Variants in KIF5C observed in about 807,000 individuals in gnomAD.
The protein encoded by KIF5C is kinesin heavy chain isoform 5C.
KIF5C carries 18 observed loss-of-function variants against 125.2 expected under a neutral mutation model. That is an observed-to-expected ratio of 0.14 (90% CI 0.10 to 0.21). The LOEUF is 0.21. Ranked by LOEUF, KIF5C falls within the 10% of genes least tolerant of loss-of-function variation. The pLI is 1.00. For synonymous variants in KIF5C, 405 were observed against 434.0 expected, an observed-to-expected ratio of 0.93 and a Z score of 0.83; for missense variants, 780 against 1,183.8, an observed-to-expected ratio of 0.66 and a Z score of 5.01.
Position 148,947,035 on chromosome 2 carries a change from T to A in KIF5C, c.714+12T>A. 1 of 1,603,582 alleles carries A rather than the reference T, an allele frequency of 6.2e-7. No individual in the cohort carries two copies. Among genetic ancestry groups the A allele is most frequent in the Non-Finnish European group, 8.5e-7 (1 of 1,176,220 alleles). ...CTGGGAGCGAAAAGGTAATTTGTTCTTTATTTGTATTATCTATAATTTTCC... is the reference window on the plus strand; with the variant it reads ...CTGGGAGCGAAAAGGTAATTTGTTCATTATTTGTATTATCTATAATTTTCC... On this transcript the variant is annotated intron_variant, in intron 8 of 25. Coordinates refer to ENST00000435030, the MANE Select transcript of KIF5C (RefSeq NM_004522.3).
intron 4 of KIF5C, among the ~76,000 whole-genome samples, chr2:148,938,856 C>T (rs891837752): frequency 9.9e-5 from 15 of 151,682 alleles, no homozygotes; most frequent in East Asian, 3.9e-4. Flanking sequence ...GAGGTTGAGG[C>T]GGGCAGATTG....
chr2:148,914,940 A>C (rs1046244862), intron 1 of KIF5C, among the ~76,000 whole-genome samples: 1 of 152,234 alleles, frequency 6.6e-6, no homozygotes, highest in Non-Finnish European at 1.5e-5. Flanking sequence ...TGCCATTGCA[A>C]ATGAGTAGAC....
chr2:148,985,696 T>G (rs1363458044), intron 15 of KIF5C, among the ~76,000 whole-genome samples: 3 of 152,230 alleles, frequency 2.0e-5, no homozygotes, highest in Non-Finnish European at 4.4e-5. Flanking sequence ...TACATCAGTC[T>G]GCTTAGTGGG....
chr2:149,005,253 G>C, intron 21 of KIF5C, 140 bp from the exon 22 acceptor site: 1 of 1,368,318 alleles, frequency 7.3e-7, no homozygotes, highest in Non-Finnish European at 9.9e-7. Flanking sequence ...CATGGTCAGG[G>C]TGGGGGTGTC....
intron 1 of KIF5C, among the ~76,000 whole-genome samples, chr2:148,898,163 C>A (rs1680739568): frequency 1.3e-5 from 2 of 152,064 alleles, no homozygotes; most frequent in East Asian, 1.9e-4. Context: ...CCTGTCTAGT[C>A]CACATAGGAA....
rs1164763032 is a variant in KIF5C, at chr2:148,922,117, C to T, written c.127-20C>T. 2 of 1,547,712 alleles carry T rather than the reference C, an allele frequency of 1.3e-6. No individual in the cohort carries two copies. Among genetic ancestry groups the T allele is most frequent in the African/African-American group, 1.4e-5 (1 of 72,728 alleles). On this transcript the variant is annotated intron_variant, in intron 1 of 25. Transcript: ENST00000435030. ...ATGTGTTTTTTCCACCTTTTTCTTC[C>T]CTTTGTCTTTCTTTTTTAGCAAGGG...
intron 14 of KIF5C, among the ~76,000 whole-genome samples, chr2:148,983,247 C>T (rs776521929): frequency 2.1e-4 from 32 of 152,066 alleles, no homozygotes; most frequent in Non-Finnish European, 4.7e-4. Flanking sequence ...AGGTGGGGAC[C>T]CTTGCAGGTA....
intron 1 of KIF5C, chr2:148,878,998 T>C (rs1681271815): frequency 6.6e-6 from 1 of 152,340 alleles, no homozygotes; most frequent in South Asian, 2.1e-4. Context: ...GTGGAGTTTC[T>C]AGATTTCTCT....
chr2:148,948,309 A>C (rs998630584), intron 8 of KIF5C, among the ~76,000 whole-genome samples: 1 of 151,342 alleles, frequency 6.6e-6, no homozygotes, highest in African/African-American at 2.4e-5. Flanking sequence ...GTGAGCCGAG[A>C]TCGTGCCACT....
At chr2:148,903,424 G>C (rs1225378056) in intron 1 of KIF5C, among the ~76,000 whole-genome samples, 3 of 152,146 alleles carry the variant, frequency 2.0e-5, no homozygotes, top group Admixed American at 2.0e-4. Flanking sequence ...TTGCTTTATA[G>C]TTTTAGCTCC....
chr2:148,953,906 G>T (rs1682728758), intron 10 of KIF5C, among the ~76,000 whole-genome samples: 2 of 152,074 alleles, frequency 1.3e-5, no homozygotes, highest in South Asian at 4.1e-4. Flanking sequence ...ATACTTTTAA[G>T]TTCTGGGATA....
At chr2:149,017,990 G>C (rs546867061) in intron 25 of KIF5C, among the ~76,000 whole-genome samples, 1 of 152,276 alleles carries the variant, frequency 6.6e-6, no homozygotes, top group Admixed American at 6.5e-5. Context: ...TGGGATGCCT[G>C]TTTTTTGTGT....
At chr2:148,921,880 C>T (rs1681799756) in intron 1 of KIF5C, among the ~76,000 whole-genome samples, 1 of 152,124 alleles carries the variant, frequency 6.6e-6, no homozygotes, top group South Asian at 2.1e-4. Context: ...GAATGAGTCT[C>T]AACCTACCCT....
At position 149,024,515 on chromosome 2, in the gene KIF5C, A is replaced by AGTGTGTGTGTGTGT. The variant is rs10577971; in HGVS notation, c.*1478_*1491dup. 10 of 128,628 alleles carry AGTGTGTGTGTGTGT rather than the reference A, an allele frequency of 7.8e-5. No homozygotes were observed. Among genetic ancestry groups the AGTGTGTGTGTGTGT allele is most frequent in the African/African-American group, 2.6e-4 (9 of 35,222 alleles). 8.0% of individuals were successfully genotyped at this position (128,628 alleles called of 1,614,324 possible). ...GACTGTGTGGGTCGAAGGTAGCTCA[A>AGTGTGTGTGTGTGT]GTGTGTGTGTGTGTGTGTGTGTGTG... On this transcript the variant is annotated 3_prime_UTR_variant, in exon 26 of 26. Coordinates refer to ENST00000435030, the MANE Select transcript of KIF5C (RefSeq NM_004522.3).
At position 149,011,552 on chromosome 2, in the gene KIF5C, T is replaced by C. The variant is rs370090350; in HGVS notation, c.2768-18T>C. The C allele has an allele frequency of 1.0e-4, 169 of 1,613,638 alleles. 1 individual carries two copies. In the African/African-American group the frequency reaches 1.9e-3, roughly 18 times the overall value. On this transcript the variant is annotated intron_variant, in intron 24 of 25. Transcript: ENST00000435030. ...TTCTAAATGTCTGTTCTCTCTTCTT[T>C]CTGTTGGTTGGATACAGCCAAGCCC...
At chr2:148,996,403 T>TAC (rs1681675177) in intron 17 of KIF5C, among the ~76,000 whole-genome samples, 2 of 152,140 alleles carry the variant, frequency 1.3e-5, no homozygotes, top group African/African-American at 2.4e-5. Context: ...ATGTTAGGAG[T>TAC]AGGTGCACCA....
chr2:148,905,160 G>A (rs945812523), intron 1 of KIF5C, among the ~76,000 whole-genome samples: 21 of 152,038 alleles, frequency 1.4e-4, no homozygotes, highest in African/African-American at 4.8e-4. Context: ...AAGTTTCATT[G>A]AAAGTATATT....
At chr2:149,002,809 G>A (rs1004252159) in intron 21 of KIF5C, among the ~76,000 whole-genome samples, 3 of 152,192 alleles carry the variant, frequency 2.0e-5, no homozygotes, top group African/African-American at 7.2e-5. Flanking sequence ...GGACTCACAT[G>A]CTTTCTCCTC....
At chr2:148,941,852 G>A (rs1558908033) in intron 5 of KIF5C, 83 bp from the exon 6 acceptor site, 2 of 1,543,726 alleles carry the variant, frequency 1.3e-6, no homozygotes, top group African/African-American at 2.8e-5. Flanking sequence ...GACTGTCTTT[G>A]TAACAAACTT....
Sources: gnomAD v4.1 joint callset for allele counts (sites outside exome capture counted in the v4.1 genomes callset) on GRCh38, gnomAD v4.1.1 for gene constraint, MANE v1.5 for transcripts, NCBI Gene and HGNC (gene_info 2026-07-23, HGNC 2026-07-21) for gene names.